CAPRIN2: variants seen among roughly 807,000 people sequenced by gnomAD.
CAPRIN2 encodes caprin family member 2.
In CAPRIN2, 66 loss-of-function variants were observed where a neutral mutation model predicts 130.4. The observed-to-expected ratio is 0.51, with a 90% confidence interval of 0.42 to 0.62. CAPRIN2 has a LOEUF of 0.62. Ranked by LOEUF, CAPRIN2 falls within the 20% of genes least tolerant of loss-of-function variation. The pLI is 0.00. For missense variants in CAPRIN2, 1,185 were observed against 1,246.6 expected, an observed-to-expected ratio of 0.95 and a Z score of 0.74; for synonymous variants, 471 against 444.1, an observed-to-expected ratio of 1.06 and a Z score of -0.76.
At chr12:30,717,604 A>C (rs2058056514) in intron 12 of CAPRIN2, among the ~76,000 whole-genome samples, 1 of 152,160 alleles carries the variant, frequency 6.6e-6, no homozygotes, top group Non-Finnish European at 1.5e-5. Flanking sequence ...GTAAAAAAAA[A>C]ACAAAAAAAC....
At chr12:30,753,496 T>C in exon 1 of CAPRIN2, 1 of 1,614,206 alleles carries the variant, frequency 6.2e-7, no homozygotes. Context: ...TGACTGTGGT[T>C]CACTTGGGGC....
At chr12:30,712,203 C>T (rs2055113553) in intron 15 of CAPRIN2, among the ~76,000 whole-genome samples, 1 of 151,988 alleles carries the variant, frequency 6.6e-6, no homozygotes, top group African/African-American at 2.4e-5. Flanking sequence ...GGAAGCCAAA[C>T]TTCATACAAC....
chr12:30,727,669 T>A (rs1229221571), intron 8 of CAPRIN2, among the ~76,000 whole-genome samples: 2 of 152,254 alleles, frequency 1.3e-5, no homozygotes, highest in African/African-American at 4.8e-5. Flanking sequence ...GTAAGTGTTA[T>A]CTACCTGAAA....
chr12:30,726,362 T>C (rs1287640302), intron 8 of CAPRIN2, among the ~76,000 whole-genome samples: 3 of 152,176 alleles, frequency 2.0e-5, no homozygotes, highest in African/African-American at 7.2e-5. Context: ...GTTTTCATTA[T>C]GGACATGAGT....
At position 30,724,454 on chromosome 12, in the gene CAPRIN2, A is replaced by G. The variant is rs2060301852; in HGVS notation, c.1906-3T>C. On this transcript the variant is annotated splice_region_variant and splice_polypyrimidine_tract_variant and intron_variant, in intron 9 of 16. Coordinates refer to ENST00000298892, the Ensembl canonical transcript of CAPRIN2. ...TTGTCAAAGTCAAGAACAGACTCCT[A>G]AAGATATGATTTTAAATAAAGAGTG... 1 of 1,595,770 alleles carries G rather than the reference A, an allele frequency of 6.3e-7. No homozygotes were observed. The highest frequency in any genetic ancestry group is 1.7e-5 in the Admixed American group (1 of 59,912).
chr12:30,739,287 G>T (rs572955691), intron 3 of CAPRIN2, among the ~76,000 whole-genome samples: 3 of 152,170 alleles, frequency 2.0e-5, no homozygotes, highest in African/African-American at 7.2e-5. Context: ...ATTATCCTTC[G>T]CAAGCTAACA....
intron 15 of CAPRIN2, 56 bp from the exon 18 acceptor site, chr12:30,711,685 T>C (rs946118991): frequency 7.1e-7 from 1 of 1,406,228 alleles, no homozygotes; most frequent in Non-Finnish European, 1.0e-6. Context: ...CTATAATTGG[T>C]TATTACACAG....
chr12:30,723,197 T>C (rs112299214), intron 11 of CAPRIN2, 62 bp downstream of exon 12: 1 of 1,167,846 alleles, frequency 8.6e-7, no homozygotes, highest in East Asian at 2.3e-5. Flanking sequence ...CTGATTATTC[T>C]TTCCAAAGCA....
intron 15 of CAPRIN2, among the ~76,000 whole-genome samples, chr12:30,713,374 G>A (rs1035138403): frequency 2.6e-5 from 4 of 152,122 alleles, no homozygotes; most frequent in Middle Eastern, 3.2e-3. Context: ...TGCTATTTAG[G>A]CAAGTTAAGC....
chr12:30,732,627 A>G (rs777443495), intron 5 of CAPRIN2, among the ~76,000 whole-genome samples: 20 of 152,092 alleles, frequency 1.3e-4, no homozygotes, highest in Non-Finnish European at 2.2e-4. Context: ...TTTCATATAA[A>G]TGAAATCTTA....
intron 2 of CAPRIN2, among the ~76,000 whole-genome samples, chr12:30,745,075 G>A (rs923130116): frequency 6.6e-6 from 1 of 152,230 alleles, no homozygotes. Flanking sequence ...CGATAGCAGT[G>A]GAATTACAAA....
At position 30,747,753 on chromosome 12, in the gene CAPRIN2, G is replaced by A. The variant is rs186189778; in HGVS notation, c.483+3318C>T. ...AGATAGTGATTTGTCTAATAGATCC[G>A]GGCAAAGTAAATTGAAAAGTTTCTG... On this transcript the variant is annotated intron_variant, in intron 2 of 16. Coordinates refer to ENST00000298892, the Ensembl canonical transcript of CAPRIN2. 6.4e-4 allele frequency among the ~76,000 whole-genome samples: 97 copies of A among 151,988 alleles called. 2 individuals are homozygous for A. The highest frequency in any genetic ancestry group is 2.1e-3 in the African/African-American group (89 of 41,432).
At chr12:30,736,189 T>C (rs2064698010) in intron 3 of CAPRIN2, among the ~76,000 whole-genome samples, 1 of 151,840 alleles carries the variant, frequency 6.6e-6, no homozygotes, top group Middle Eastern at 3.2e-3. Flanking sequence ...TGTACATAGA[T>C]TGAGCAGCCC....
intron 2 of CAPRIN2, among the ~76,000 whole-genome samples, chr12:30,746,066 T>G (rs904428563): frequency 6.6e-6 from 1 of 152,208 alleles, no homozygotes; most frequent in African/African-American, 2.4e-5. Context: ...ACAGATAGTT[T>G]CTCACACAAT....
At chr12:30,738,370 A>G (rs748856475) in intron 3 of CAPRIN2, among the ~76,000 whole-genome samples, 12 of 152,136 alleles carry the variant, frequency 7.9e-5, no homozygotes, top group Non-Finnish European at 7.3e-5. Context: ...ACCTAGGGCC[A>G]TATCTTGGCT....
At chr12:30,713,437 A>G (rs941501508) in intron 15 of CAPRIN2, among the ~76,000 whole-genome samples, 5 of 152,236 alleles carry the variant, frequency 3.3e-5, no homozygotes, top group Non-Finnish European at 7.3e-5. Context: ...AGAAAGTCAC[A>G]TTCTAATCTT....
intron 13 of CAPRIN2, 138 bp from the exon 16 acceptor site, chr12:30,715,279 T>TG: frequency 4.4e-6 from 3 of 675,656 alleles, no homozygotes; most frequent in Non-Finnish European, 7.7e-6. Flanking sequence ...TTCATGTATA[T>TG]AATTCATCTA....
intron 12 of CAPRIN2, 68 bp from the exon 15 acceptor site, chr12:30,716,744 G>C: frequency 7.0e-7 from 1 of 1,434,848 alleles, no homozygotes; most frequent in Non-Finnish European, 9.6e-7. Context: ...GTGGTATCCA[G>C]CAAAATTGTA....
intron 9 of CAPRIN2, 106 bp downstream of exon 10, chr12:30,725,860 A>C: frequency 2.1e-6 from 2 of 966,090 alleles, no homozygotes; most frequent in Non-Finnish European, 2.8e-6. Flanking sequence ...AGGAGGCAGC[A>C]GAGCCAGGAC....
Sources: allele counts gnomAD v4.1 joint callset (sites outside exome capture counted in the v4.1 genomes callset), GRCh38; gene constraint gnomAD v4.1.1; transcripts MANE v1.5; gene names NCBI Gene and HGNC (gene_info 2026-07-23, HGNC 2026-07-21).